Variants in MYO7A observed in about 807,000 individuals in gnomAD.
The protein encoded by MYO7A is unconventional myosin-VIIa.
A neutral mutation model predicts 263.8 loss-of-function variants in MYO7A; 210 were observed. The observed-to-expected ratio is 0.80, with a 90% confidence interval of 0.71 to 0.89. The LOEUF (loss-of-function observed/expected upper bound fraction) is 0.89, where lower values mean the gene tolerates loss of function less well. Among genes scored for constraint, MYO7A ranks in the 40% least tolerant of loss-of-function variants. The probability of loss-of-function intolerance (pLI) is 0.00; values close to 1 mark genes in which losing one functional copy is unlikely to be tolerated. For missense variants in MYO7A, 2,820 were observed against 2,968.3 expected (o/e 0.95, Z 1.16); for synonymous variants, 1,239 against 1,197.3 (o/e 1.03, Z -0.72).
intron 21 of MYO7A, 102 bp downstream of exon 21, chr11:77,180,055 G>T: frequency 1.6e-6 from 2 of 1,235,100 alleles, no homozygotes; most frequent in South Asian, 1.5e-5. Context: ...CTATAGGGGG[G>T]ACCTGCAGTT....
intron 47 of MYO7A, 35 bp from the exon 48 acceptor site, chr11:77,213,825 G>A (rs747250243): frequency 3.1e-6 from 5 of 1,613,762 alleles, no homozygotes; most frequent in Admixed American, 3.3e-5. Flanking sequence ...ACAGGGCCCA[G>A]GCCGTGCCTC....
intron 4 of MYO7A, among the ~76,000 whole-genome samples, chr11:77,153,133 G>A (rs965538053): frequency 2.0e-5 from 3 of 152,162 alleles, no homozygotes; most frequent in Admixed American, 6.5e-5. Context: ...AGGATAGATT[G>A]TTGGGGGGTT....
At chr11:77,189,263 C>T in intron 27 of MYO7A, 81 bp from the exon 28 acceptor site, 1 of 1,579,452 alleles carries the variant, frequency 6.3e-7, no homozygotes, top group Non-Finnish European at 8.6e-7. Context: ...GTGTGGCGTC[C>T]CACTGGCTGC....
chr11:77,171,992 G>T (rs868979914), intron 15 of MYO7A, among the ~76,000 whole-genome samples: 3 of 152,218 alleles, frequency 2.0e-5, no homozygotes, highest in Non-Finnish European at 2.9e-5. Flanking sequence ...AGTGCGGGGG[G>T]TTAGGAGGAG....
At position 77,171,891 on chromosome 11, in the gene MYO7A, T is replaced by TATTCTCAG. The variant is rs1954125113; in HGVS notation, c.1798-856_1798-855insTTCTCAGA. On this transcript the variant is annotated intron_variant, in intron 15 of 48. Transcript: ENST00000409709. Reference sequence around the variant, plus strand: ...ACAGTATTCTCAGAGGGGACCCCAGTAGGGCAGGGAGGCGCAGGGGGCTCG... The same window carrying TATTCTCAG: ...ACAGTATTCTCAGAGGGGACCCCAGTATTCTCAGAGGGCAGGGAGGCGCAGGGGGCTCG... 2.0e-5 allele frequency among the ~76,000 whole-genome samples: 3 copies of TATTCTCAG among 152,276 alleles called. No individual in the cohort carries two copies. The South Asian group carries it at 6.2e-4, about 32-fold the overall frequency.
Position 77,128,259 on chromosome 11 carries a change from C to CAGCT in MYO7A, c.-276_-273dup, listed in dbSNP as rs1176132326. Reference sequence around the variant, plus strand: ...GGGGAGGGCAGCAGTGCTGGCTGGACAGCTGCTCTGGGCAGGAGAGAGAGG... The same window carrying CAGCT: ...GGGGAGGGCAGCAGTGCTGGCTGGACAGCTAGCTGCTCTGGGCAGGAGAGAGAGG... On this transcript the variant is annotated 5_prime_UTR_variant, in exon 1 of 49. Coordinates refer to ENST00000409709, the MANE Select transcript of MYO7A (RefSeq NM_000260.4). 5 of 152,450 alleles carry CAGCT rather than the reference C, an allele frequency of 3.3e-5. No individual in the cohort carries two copies. The highest frequency in any genetic ancestry group is 1.2e-4 in the African/African-American group (5 of 41,448). The allele number at this position is 152,450 out of a possible 1,614,324, so 9.4% of individuals were successfully genotyped here.
At chr11:77,177,525 C>A (rs781798605) in intron 18 of MYO7A, 24 bp from the exon 19 acceptor site, 1 of 1,589,638 alleles carries the variant, frequency 6.3e-7, no homozygotes, top group South Asian at 1.1e-5. Flanking sequence ...TTGTGGGGCG[C>A]TGCTCAGGAG....
At position 77,175,374 on chromosome 11, in the gene MYO7A, C is replaced by T. The variant is rs373495082; in HGVS notation, c.2097C>T (p.Gly699=). 132 of 1,612,984 alleles carry T rather than the reference C, an allele frequency of 8.2e-5. No individual in the cohort carries two copies. The African/African-American group carries it at 1.5e-3, about 18-fold the overall frequency. The change falls in exon 18 of 49, where the codon GGC becomes GGT. Residue 699 remains glycine, a splice_region_variant and synonymous_variant. Transcript: ENST00000409709. ...LPGVKPAYKQ[G]DLRGTCQRMA... Reference sequence around the variant, plus strand: ...TGTGTTCCCCATCCTCACTCCAGGGCGACCTCCGCGGGACTTGCCAGCGCA... The same window carrying T: ...TGTGTTCCCCATCCTCACTCCAGGGTGACCTCCGCGGGACTTGCCAGCGCA...
chr11:77,144,426 A>G lies in MYO7A; in HGVS notation c.132+1604A>G, dbSNP rs191798564. Among the ~76,000 whole-genome samples, 168 of 152,230 alleles carry G rather than the reference A, an allele frequency of 1.1e-3. 1 individual carries two copies. Among genetic ancestry groups the G allele is most frequent in the African/African-American group, 3.8e-3 (156 of 41,542 alleles). ...TCAGATGGTGTCCCGTAACTGCGTC[A>G]CCGAATCCCAAAGGTCCCCTCCCGC... On this transcript the variant is annotated intron_variant, in intron 3 of 48. Transcript: ENST00000409709.
In MYO7A at chr11:77,179,739, G is replaced by C. The variant is rs782693893; in HGVS notation, c.2372G>C (p.Arg791Pro). 2 of 1,541,552 alleles carry C rather than the reference G, an allele frequency of 1.3e-6. No homozygotes were observed. Among genetic ancestry groups the C allele is most frequent in the Admixed American group, 1.9e-5 (1 of 51,406 alleles). The change falls in exon 21 of 49, where the codon CGT (arginine) becomes CCT (proline). Residue 791 changes from arginine to proline, a missense_variant. Coordinates refer to ENST00000409709, the MANE Select transcript of MYO7A (RefSeq NM_000260.4). ...ATGGGGTGGCTGTCCTTGCAGATGC[G>C]TCTGGGCTTCCTGCGGCTGCAGGCC... ...HNCRKNYGLMRLGFLRLQALH... is the reference protein window; with the variant it reads ...HNCRKNYGLMPLGFLRLQALH...
Position 77,205,636 on chromosome 11 carries a change from G to T in MYO7A, c.5636+19G>T. The T allele has an allele frequency of 6.2e-7, 1 of 1,612,642 alleles. No individual in the cohort carries two copies. The highest frequency in any genetic ancestry group is 8.5e-7 in the Non-Finnish European group (1 of 1,179,706). On this transcript the variant is annotated intron_variant, in intron 40 of 48. Coordinates refer to ENST00000409709, the MANE Select transcript of MYO7A (RefSeq NM_000260.4). Reference sequence around the variant, plus strand: ...CCCTGAGGTACAGCGGCCACCAGGGGCAGGGACAGACACTGGGGCGGGCTC... The same window carrying T: ...CCCTGAGGTACAGCGGCCACCAGGGTCAGGGACAGACACTGGGGCGGGCTC...
intron 30 of MYO7A, among the ~76,000 whole-genome samples, chr11:77,191,425 T>C (rs868656010): frequency 2.2e-4 from 34 of 152,222 alleles, no homozygotes; most frequent in African/African-American, 8.0e-4. Context: ...GTGAATCCTC[T>C]CCTGGTGCTG....
chr11:77,200,037 G>A (rs1331994135), intron 35 of MYO7A, among the ~76,000 whole-genome samples: 1 of 152,206 alleles, frequency 6.6e-6, no homozygotes, highest in Non-Finnish European at 1.5e-5. Context: ...GGGAGGCTGA[G>A]ATGGGAGGAT....
intron 20 of MYO7A, 83 bp downstream of exon 20, chr11:77,179,212 C>G (rs1954943232): frequency 4.9e-5 from 62 of 1,253,198 alleles, no homozygotes; most frequent in Non-Finnish European, 6.8e-5. Flanking sequence ...TGGCCTGCAC[C>G]CAGGCAGCAC....
intron 5 of MYO7A, among the ~76,000 whole-genome samples, chr11:77,156,366 C>G (rs1209447384): frequency 1.3e-5 from 2 of 152,254 alleles, no homozygotes; most frequent in African/African-American, 4.8e-5. Flanking sequence ...GTTGACATCT[C>G]AGGCTCCTAT....
At chr11:77,214,093 C>T in intron 48 of MYO7A, 114 bp downstream of exon 48, 1 of 1,447,564 alleles carries the variant, frequency 6.9e-7, no homozygotes, top group Non-Finnish European at 9.4e-7. Context: ...GGGTCGTGGG[C>T]AAGGGTCATG....
chr11:77,169,373 G>A (rs1474829761), intron 15 of MYO7A, among the ~76,000 whole-genome samples: 1 of 152,242 alleles, frequency 6.6e-6, no homozygotes, highest in Non-Finnish European at 1.5e-5. Flanking sequence ...CCTGATTAAT[G>A]CCTAAGCCCA....
intron 4 of MYO7A, among the ~76,000 whole-genome samples, chr11:77,154,897 C>A (rs75714438): frequency 0.017 from 2,524 of 152,222 alleles, 65 homozygotes; most frequent in African/African-American, 0.058. Flanking sequence ...TGCATCCACA[C>A]TCTCCCTGCG....
intron 17 of MYO7A, 119 bp from the exon 18 acceptor site, chr11:77,175,251 TCA>T: frequency 1.1e-6 from 1 of 892,378 alleles, no homozygotes; most frequent in Non-Finnish European, 1.7e-6. Context: ...CCAGCTGAGG[TCA>T]CACTTCGAGT....
Sources: allele counts gnomAD v4.1 joint callset (sites outside exome capture counted in the v4.1 genomes callset), GRCh38; gene constraint gnomAD v4.1.1; transcripts MANE v1.5; gene names NCBI Gene and HGNC (gene_info 2026-07-23, HGNC 2026-07-21).